Variants in ZNF385D observed in about 807,000 individuals in gnomAD.
ZNF385D encodes the protein zinc finger protein 659.
Under a neutral mutation model 35.8 loss-of-function variants are expected in ZNF385D, and 15 were observed. That is an observed-to-expected ratio of 0.42 (90% confidence interval 0.28 to 0.64). ZNF385D has a LOEUF of 0.64. Ranked by LOEUF, ZNF385D falls within the 30% of genes least tolerant of loss-of-function variation. The pLI is 0.23. For synonymous variants in ZNF385D, 212 were observed against 186.8 expected, an observed-to-expected ratio of 1.13 and a Z score of -1.10; for missense variants, 474 against 494.6, an observed-to-expected ratio of 0.96 and a Z score of 0.39.
intron 2 of ZNF385D, among the ~76,000 whole-genome samples, chr3:22,337,649 A>G (rs1695234111): frequency 6.6e-6 from 1 of 152,244 alleles, no homozygotes; most frequent in Non-Finnish European, 1.5e-5. Context: ...GACTTGACAT[A>G]GAGTTTAGAA....
chr3:22,045,210 A>G (rs977602296), intron 3 of ZNF385D, among the ~76,000 whole-genome samples: 1 of 152,016 alleles, frequency 6.6e-6, no homozygotes, highest in Admixed American at 6.6e-5. Context: ...TTCCTCTAGT[A>G]GTTTTATAGA....
At chr3:21,576,989 T>C (rs1458977593) in intron 2 of ZNF385D, among the ~76,000 whole-genome samples, 2 of 152,210 alleles carry the variant, frequency 1.3e-5, no homozygotes, top group Non-Finnish European at 2.9e-5. Flanking sequence ...CCTCTAACAT[T>C]TATCAGTTCT....
chr3:21,474,712 A>G (rs3849540), intron 4 of ZNF385D, among the ~76,000 whole-genome samples: 35,634 of 152,080 alleles, frequency 0.23, 4,665 homozygotes, highest in African/African-American at 0.34. Context: ...ATATGTATCA[A>G]ATATTTTCTA....
chr3:21,710,738 G>A (rs964488879), intron 1 of ZNF385D, among the ~76,000 whole-genome samples: 1 of 152,124 alleles, frequency 6.6e-6, no homozygotes, highest in Non-Finnish European at 1.5e-5. Context: ...AAGCATGAAT[G>A]CTTGAACATC....
At chr3:21,649,314 AG>A (rs1267476916) in intron 2 of ZNF385D, among the ~76,000 whole-genome samples, 1 of 152,182 alleles carries the variant, frequency 6.6e-6, no homozygotes, top group African/African-American at 2.4e-5. Context: ...TAGAAGAAAA[AG>A]AGTCCACACT....
chr3:21,536,213 TAGGTAATGG>T (rs1205880697), intron 3 of ZNF385D, among the ~76,000 whole-genome samples: 6 of 152,090 alleles, frequency 3.9e-5, no homozygotes, highest in Non-Finnish European at 7.3e-5. Context: ...GTTGATGAAG[TAGGTAATGG>T]AGGACTCTAG....
intron 6 of ZNF385D, among the ~76,000 whole-genome samples, chr3:21,424,710 A>G (rs1435049189): frequency 4.8e-5 from 7 of 147,090 alleles, no homozygotes; most frequent in Admixed American, 3.4e-4. Context: ...TTTTTTGAAA[A>G]ACATTTACAA....
chr3:21,693,146 C>T (rs1420792379), intron 1 of ZNF385D, among the ~76,000 whole-genome samples: 1 of 152,098 alleles, frequency 6.6e-6, no homozygotes, highest in Non-Finnish European at 1.5e-5. Context: ...TCTGATACCT[C>T]AATGAGGGAT....
intron 3 of ZNF385D, among the ~76,000 whole-genome samples, chr3:22,117,086 G>T (rs940063470): frequency 1.3e-5 from 2 of 152,084 alleles, no homozygotes; most frequent in African/African-American, 4.8e-5. Context: ...TTCAGGCTTT[G>T]AGATGCCAGG....
At chr3:22,352,013 G>C (rs1300350745) in intron 2 of ZNF385D, among the ~76,000 whole-genome samples, 1 of 152,078 alleles carries the variant, frequency 6.6e-6, no homozygotes, top group African/African-American at 2.4e-5. Flanking sequence ...CAACATAAAA[G>C]GGATATGTTA....
In ZNF385D at chr3:21,539,311, T is replaced by G. The variant is rs2062116294; in HGVS notation, c.276+25263A>C. On this transcript the variant is annotated intron_variant, in intron 3 of 7. Coordinates refer to ENST00000281523, the MANE Select transcript of ZNF385D (RefSeq NM_024697.3). The surrounding 1 kb of genome is among the most constrained non-coding windows in gnomAD (Gnocchi z 4.0). ...CACTTTCTCATTAATTGATGCCATT[T>G]TGCCCTGGTTTTGTTTCACGGATTA... 6.6e-6 allele frequency among the ~76,000 whole-genome samples: 1 copy of G among 152,204 alleles called. No homozygotes were observed. Among genetic ancestry groups the G allele is most frequent in the Non-Finnish European group, 1.5e-5 (1 of 68,018 alleles).
intron 3 of ZNF385D, among the ~76,000 whole-genome samples, chr3:21,987,747 A>G (rs1161883654): frequency 7.0e-6 from 1 of 142,806 alleles, no homozygotes; most frequent in Non-Finnish European, 1.5e-5. Flanking sequence ...TCTCCTGGAT[A>G]ATATCCTGCA....
intron 2 of ZNF385D, among the ~76,000 whole-genome samples, chr3:21,645,232 T>C (rs893450781): frequency 6.6e-6 from 1 of 152,140 alleles, no homozygotes; most frequent in Admixed American, 6.6e-5. Flanking sequence ...CAGTTAACAG[T>C]TGTTGAAATC....
rs2065914887 is a variant in ZNF385D at position 21,651,553 on chromosome 3, G to C, written c.165+13333C>G. On this transcript the variant is annotated intron_variant, in intron 2 of 7. Transcript: ENST00000281523. Reference sequence around the variant, plus strand: ...TCTTTTTTTTTTTCTTTTTGGTAGTGACGGTGGTGAAGAATGGTTTCTCAA... The same window carrying C: ...TCTTTTTTTTTTTCTTTTTGGTAGTCACGGTGGTGAAGAATGGTTTCTCAA... 6.0e-5 allele frequency among the ~76,000 whole-genome samples: 9 copies of C among 149,798 alleles called. No homozygotes were observed. The South Asian group carries it at 1.9e-3, about 32-fold the overall frequency.
intron 3 of ZNF385D, among the ~76,000 whole-genome samples, chr3:22,049,631 T>C (rs1473982978): frequency 1.3e-5 from 2 of 152,222 alleles, no homozygotes; most frequent in East Asian, 3.8e-4. Flanking sequence ...TTTAGTTTGA[T>C]GTTATTAATA....
chr3:22,046,135 G>A (rs1476028068), intron 3 of ZNF385D, among the ~76,000 whole-genome samples: 1 of 152,110 alleles, frequency 6.6e-6, no homozygotes. Flanking sequence ...GTGGGCAGCA[G>A]GAGATCTGCT....
chr3:22,198,222 G>T (rs564022804), intron 2 of ZNF385D, among the ~76,000 whole-genome samples: 3 of 152,184 alleles, frequency 2.0e-5, no homozygotes, highest in South Asian at 2.1e-4. Context: ...GGTTTACCTA[G>T]TAAGTTTAAA....
intron 2 of ZNF385D, among the ~76,000 whole-genome samples, chr3:22,309,216 C>G (rs1416517786): frequency 6.6e-6 from 1 of 151,986 alleles, no homozygotes; most frequent in Non-Finnish European, 1.5e-5. Context: ...GATATTTGAC[C>G]CCTTCTAAGA....
intron 1 of ZNF385D, among the ~76,000 whole-genome samples, chr3:21,749,781 C>T (rs1300594083): frequency 6.6e-6 from 1 of 152,210 alleles, no homozygotes. Flanking sequence ...TCCACACACT[C>T]TCAAGTGTCT....
Sources: gnomAD v4.1 joint callset for allele counts (sites outside exome capture counted in the v4.1 genomes callset) on GRCh38, gnomAD v4.1.1 for gene constraint, Gnocchi (gnomAD v3.1) non-coding constraint, MANE v1.5 for transcripts, NCBI Gene and HGNC (gene_info 2026-07-23, HGNC 2026-07-21) for gene names.